The following SPTBN4 variants were observed in gnomAD, a reference collection of about 807,000 sequenced individuals.
SPTBN4 encodes spectrin beta, non-erythrocytic 4.
In SPTBN4, 96 loss-of-function variants were observed where a neutral mutation model predicts 277.8. The ratio of observed to expected loss-of-function variants is 0.35; its 90% CI spans 0.29 to 0.41. SPTBN4 has a LOEUF of 0.41. Among genes scored for constraint, SPTBN4 ranks in the 10% least tolerant of loss-of-function variants. The pLI is 1.00. For missense variants in SPTBN4, 3,006 were observed against 3,595.7 expected (o/e 0.84, Z 4.19); for synonymous variants, 1,481 against 1,580.3 (o/e 0.94, Z 1.49).
chr19:40,568,292 C>T lies in SPTBN4; in HGVS notation c.6956+10C>T, dbSNP rs372697710. ...GAGACCTGGTCAAGGGGTGAGGTGC[C>T]CGCCTTATGACCAGAAAGTGAGGGG... On this transcript the variant is annotated intron_variant, in intron 31 of 35. Coordinates refer to ENST00000598249, the MANE Select transcript of SPTBN4 (RefSeq NM_020971.3). 6 of 1,593,470 alleles carry T rather than the reference C, an allele frequency of 3.8e-6. No individual in the cohort carries two copies.
In SPTBN4 at chr19:40,521,660, G is replaced by A. The variant is rs190073607; in HGVS notation, c.3654+1509G>A. On this transcript the variant is annotated intron_variant, in intron 16 of 35. Transcript: ENST00000598249. Reference sequence around the variant, plus strand: ...GCCCCCCCTCCACCTCCTGCTATGCGGCCCAGTTTTTAACAGGCGATGGAC... The same window carrying A: ...GCCCCCCCTCCACCTCCTGCTATGCAGCCCAGTTTTTAACAGGCGATGGAC... Among the ~76,000 whole-genome samples, 20 of 152,272 alleles carry A rather than the reference G, an allele frequency of 1.3e-4. No homozygotes were observed. In the East Asian group the frequency reaches 3.1e-3, roughly 23 times the overall value.
In SPTBN4 at chr19:40,502,192, T is replaced by G; in HGVS notation, c.962T>G (p.Leu321Arg). Residue 321 changes from leucine (L) to arginine (R), a missense_variant, in exon 9 of 36, where the codon CTG (leucine) becomes CGG (arginine). By Grantham distance (102) the Leu-to-Arg change is moderately radical. This residue lies in a region of SPTBN4 where 1,759 missense variants were observed against 2,061.5 expected (regional missense o/e 0.85). Transcript: ENST00000598249. The surrounding 1 kb of genome is among the most constrained non-coding windows in gnomAD (Gnocchi z 4.9). ...CGCTACGAGGAGCTGGCGGCTGAGC[T>G]GCTGGCCTGGATCCACCGCACCGTG... Reference protein sequence around the residue: ...IERYEELAAELLAWIHRTVGL... With the variant: ...IERYEELAAERLAWIHRTVGL... 1.2e-6 allele frequency: 2 copies of G among 1,614,118 alleles called. No homozygotes were observed. The highest frequency in any genetic ancestry group is 1.7e-6 in the Non-Finnish European group (2 of 1,180,034).
At chr19:40,531,464 GTT>G (rs71173645) in intron 18 of SPTBN4, among the ~76,000 whole-genome samples, 10 of 40,918 alleles carry the variant, frequency 2.4e-4, no homozygotes, top group Admixed American at 5.0e-4. Flanking sequence ...TCCAGTGTTT[GTT>G]TTTTTTTTTT....
At chr19:40,469,358 G>A (rs1165080483) in intron 1 of SPTBN4, among the ~76,000 whole-genome samples, 2 of 151,898 alleles carry the variant, frequency 1.3e-5, no homozygotes, top group African/African-American at 2.4e-5. Flanking sequence ...TTCGCCTCCC[G>A]GTTTCAAGCA....
chr19:40,488,281 G>A (rs1169322699), intron 3 of SPTBN4, among the ~76,000 whole-genome samples: 4 of 152,046 alleles, frequency 2.6e-5, no homozygotes, highest in Non-Finnish European at 1.5e-5. Context: ...CGGGGCTCTA[G>A]GCTAGGGGGC....
rs35237688 is a variant in SPTBN4, at chr19:40,491,713, C to CAAAAAAAAAAA, written c.496-1235_496-1225dup. Among the ~76,000 whole-genome samples the CAAAAAAAAAAA allele has an allele frequency of 4.4e-4, 17 of 38,800 alleles. 3 individuals are homozygous for CAAAAAAAAAAA. Among genetic ancestry groups the CAAAAAAAAAAA allele is most frequent in the African/African-American group, 2.1e-3 (16 of 7,630 alleles). The allele number at this position is 38,800 out of a possible 152,430, so 25.5% of individuals were successfully genotyped here. ...TGGGTAATAGATAGAGACTCTGTCTCAAAAAAAAAAAAAAAAAAAAAAAAA... is the reference window on the plus strand; with the variant it reads ...TGGGTAATAGATAGAGACTCTGTCTCAAAAAAAAAAAAAAAAAAAAAAAAAAAAAAAAAAAA... On this transcript the variant is annotated intron_variant, in intron 4 of 35. Coordinates refer to ENST00000598249, the MANE Select transcript of SPTBN4 (RefSeq NM_020971.3).
chr19:40,503,242 G>A (rs1196053381), intron 11 of SPTBN4, among the ~76,000 whole-genome samples: 1 of 151,956 alleles, frequency 6.6e-6, no homozygotes, highest in African/African-American at 2.4e-5. Flanking sequence ...TGTGTCTAGG[G>A]TAACTCAGAA....
At chr19:40,564,815 C>T (rs543387873) in intron 27 of SPTBN4, among the ~76,000 whole-genome samples, 15 of 148,196 alleles carry the variant, frequency 1.0e-4, no homozygotes, top group Non-Finnish European at 1.9e-4. Flanking sequence ...CCAGTCTGGG[C>T]AACAGAGCAA....
intron 30 of SPTBN4, 123 bp from the exon 31 acceptor site, chr19:40,567,540 C>A: frequency 9.6e-7 from 1 of 1,044,134 alleles, no homozygotes; most frequent in Admixed American, 3.7e-5. Context: ...GGACACCTTG[C>A]TTTTTCAAGG....
In SPTBN4 at chr19:40,526,885, G is replaced by A. The variant is rs73931314; in HGVS notation, c.3858-2156G>A. 1.5e-3 allele frequency among the ~76,000 whole-genome samples: 224 copies of A among 152,264 alleles called. 1 individual carries two copies. The highest frequency in any genetic ancestry group is 5.1e-3 in the African/African-American group (211 of 41,542). ...ATTACAGGCGTGAGCCATCGTGCCC[G>A]GCCTACTCTGTTGTTCTTTCACCCT... On this transcript the variant is annotated intron_variant, in intron 17 of 35. Transcript: ENST00000598249.
Position 40,504,152 on chromosome 19 carries a change from G to GGGGC in SPTBN4, c.1665+20_1665+21insGGGC. Reference sequence around the variant, plus strand: ...ATGCAGGTGCCGGCGGGGGGGCGGGGATGCGGGTGGAGTGCCAGGAGGGAG... The same window carrying GGGGC: ...ATGCAGGTGCCGGCGGGGGGGCGGGGGGGCATGCGGGTGGAGTGCCAGGAGGGAG... On this transcript the variant is annotated intron_variant, in intron 12 of 35. Coordinates refer to ENST00000598249, the MANE Select transcript of SPTBN4 (RefSeq NM_020971.3). 7 of 877,180 alleles carry GGGGC rather than the reference G, an allele frequency of 8.0e-6. No homozygotes were observed. Among genetic ancestry groups the GGGGC allele is most frequent in the Non-Finnish European group, 1.2e-5 (7 of 566,460 alleles). The allele number at this position is 877,180 out of a possible 1,614,324, so 54.3% of individuals were successfully genotyped here.
intron 20 of SPTBN4, among the ~76,000 whole-genome samples, chr19:40,545,779 C>G (rs545293341): frequency 6.6e-6 from 1 of 151,880 alleles, no homozygotes; most frequent in East Asian, 1.9e-4. Context: ...TGGTGGCTCA[C>G]GCCTGTAATC....
chr19:40,567,176 C>T, intron 30 of SPTBN4: 2 of 455,304 alleles, frequency 4.4e-6, no homozygotes, highest in South Asian at 1.6e-5. Flanking sequence ...TGCCTGTAGT[C>T]CCAGCTACTC....
At chr19:40,486,515 G>A (rs1459014303) in intron 2 of SPTBN4, among the ~76,000 whole-genome samples, 1 of 151,942 alleles carries the variant, frequency 6.6e-6, no homozygotes, top group Non-Finnish European at 1.5e-5. Context: ...GACTACAGGG[G>A]CATTCCACCC....
At chr19:40,492,824 G>T in intron 4 of SPTBN4, 139 bp from the exon 5 acceptor site, 1 of 651,424 alleles carries the variant, frequency 1.5e-6, no homozygotes, top group Non-Finnish European at 2.8e-6. Context: ...CACACTCCTG[G>T]ACCCCCACCC....
chr19:40,550,288 C>T lies in SPTBN4; in HGVS notation c.4635C>T (p.Asn1545=), dbSNP rs776501445. Residue 1545 remains asparagine, a synonymous_variant, in exon 22 of 36, where the codon AAC becomes AAT. Coordinates refer to ENST00000598249, the MANE Select transcript of SPTBN4 (RefSeq NM_020971.3). ...TGGCCATGCAGACAGAGCGAGGCAA[C>T]GGTTTGCAGGCGGTCCAGCAGCACA... ...LPLAMQTERG[N]GLQAVQQHIK... is the part of the protein sequence containing the mutation. 75 of 1,612,244 alleles carry T rather than the reference C, an allele frequency of 4.7e-5. No individual in the cohort carries two copies. In the East Asian group the frequency reaches 1.6e-3, roughly 35 times the overall value.
Position 40,497,559 on chromosome 19 carries a change from A to G in SPTBN4, c.739A>G (p.Thr247Ala), listed in dbSNP as rs762352670. 6.2e-7 allele frequency: 1 copy of G among 1,614,090 alleles called. No individual in the cohort carries two copies. Among genetic ancestry groups the G allele is most frequent in the Non-Finnish European group, 8.5e-7 (1 of 1,180,026 alleles). Reference protein sequence around the residue: ...ANYNLQRAFRTAEQHLGLARL... With the variant: ...ANYNLQRAFRAAEQHLGLARL... ...CTACAACCTGCAGAGAGCCTTCCGCACAGCTGAGCAGCACCTGGGGCTGGC... is the reference window on the plus strand; with the variant it reads ...CTACAACCTGCAGAGAGCCTTCCGCGCAGCTGAGCAGCACCTGGGGCTGGC... The change falls in exon 7 of 36, where the codon ACA (threonine) becomes GCA (alanine). Residue 247 changes from threonine (T) to alanine (A), a missense_variant. Around this residue, in one of 5 missense-constraint regions of SPTBN4, gnomAD observed 1,759 missense variants for 2,061.5 expected, o/e 0.85. Transcript: ENST00000598249.
chr19:40,526,167 CTTTTTTTTTTTTTT>C (rs1168105162), intron 17 of SPTBN4, among the ~76,000 whole-genome samples: 3 of 93,174 alleles, frequency 3.2e-5, no homozygotes, highest in Non-Finnish European at 6.1e-5. Flanking sequence ...AGGTGCTGTT[CTTTTTTTTTTTTTT>C]TTTTTTTTTG....
intron 26 of SPTBN4, among the ~76,000 whole-genome samples, chr19:40,558,013 A>T (rs2081001566): frequency 6.6e-6 from 1 of 152,044 alleles, no homozygotes; most frequent in Non-Finnish European, 1.5e-5. Context: ...AAGGGTCTAA[A>T]GGGAATTTTG....
Sources: allele counts gnomAD v4.1 joint callset (sites outside exome capture counted in the v4.1 genomes callset), GRCh38; gene constraint gnomAD v4.1.1; regional missense constraint gnomAD v4.1.1; non-coding constraint Gnocchi (gnomAD v3.1); transcripts MANE v1.5; gene names NCBI Gene and HGNC (gene_info 2026-07-23, HGNC 2026-07-21).